The following MYO1B variants were observed in gnomAD, a reference collection of about 807,000 sequenced individuals.
MYO1B encodes unconventional myosin-Ib.
Under a neutral mutation model 159.7 loss-of-function variants are expected in MYO1B, and 72 were observed. That is an observed-to-expected ratio of 0.45 (90% CI 0.37 to 0.55). The LOEUF is 0.55. Among genes scored for constraint, MYO1B ranks in the 20% least tolerant of loss-of-function variants. The probability of loss-of-function intolerance (pLI) is 0.00; values close to 1 mark genes in which losing one functional copy is unlikely to be tolerated. For missense variants in MYO1B, 1,062 were observed against 1,364.8 expected, an observed-to-expected ratio of 0.78 and a Z score of 3.50; for synonymous variants, 468 against 473.8, an observed-to-expected ratio of 0.99 and a Z score of 0.16.
At chr2:191,372,573 G>A (rs1694426304) in intron 13 of MYO1B, among the ~76,000 whole-genome samples, 1 of 152,204 alleles carries the variant, frequency 6.6e-6, no homozygotes, top group Non-Finnish European at 1.5e-5. Flanking sequence ...GGCTGCCAGA[G>A]GATGTATCCT....
chr2:191,398,731 C>T (rs1430093626), intron 21 of MYO1B, among the ~76,000 whole-genome samples: 3 of 151,968 alleles, frequency 2.0e-5, no homozygotes, highest in Non-Finnish European at 1.5e-5. Context: ...AGGCGCTCCT[C>T]GCTTCCTAGA....
At chr2:191,348,593 T>G (rs1046985942) in intron 6 of MYO1B, among the ~76,000 whole-genome samples, 26 of 152,184 alleles carry the variant, frequency 1.7e-4, no homozygotes, top group Non-Finnish European at 3.2e-4. Flanking sequence ...CTGGACTTTT[T>G]TTTTTCCTCT....
chr2:191,393,357 GTTC>G, intron 20 of MYO1B, 135 bp downstream of exon 20: 2 of 1,082,338 alleles, frequency 1.8e-6, no homozygotes, highest in Non-Finnish European at 2.6e-6. Flanking sequence ...GTTCTTAATG[GTTC>G]TTTTTTTTAA....
Position 191,370,216 on chromosome 2 carries a change from A to G in MYO1B, c.1120-11A>G. Reference sequence around the variant, plus strand: ...GCCTTAATTAACCCTTTAATTTGAAACTTTTTAAAGGCACAAACAAAAGTG... The same window carrying G: ...GCCTTAATTAACCCTTTAATTTGAAGCTTTTTAAAGGCACAAACAAAAGTG... On this transcript the variant is annotated splice_polypyrimidine_tract_variant and intron_variant, in intron 12 of 30. Transcript: ENST00000392318. The G allele has an allele frequency of 1.9e-6, 3 of 1,608,986 alleles. No individual in the cohort carries two copies. Among genetic ancestry groups the G allele is most frequent in the Non-Finnish European group, 2.6e-6 (3 of 1,176,292 alleles).
intron 30 of MYO1B, among the ~76,000 whole-genome samples, chr2:191,422,976 C>T (rs191169345): frequency 1.8e-3 from 272 of 152,262 alleles, no homozygotes; most frequent in African/African-American, 6.1e-3. Flanking sequence ...ATGAGGACTA[C>T]TGGAGGTAAA....
At chr2:191,332,971 A>G (rs1370231412) in intron 4 of MYO1B, among the ~76,000 whole-genome samples, 1 of 152,206 alleles carries the variant, frequency 6.6e-6, no homozygotes, top group Non-Finnish European at 1.5e-5. Context: ...GTCAGTACAT[A>G]TTTAAATAAT....
At chr2:191,271,443 G>A (rs750142254) in intron 1 of MYO1B, among the ~76,000 whole-genome samples, 10 of 152,094 alleles carry the variant, frequency 6.6e-5, no homozygotes, top group Non-Finnish European at 1.3e-4. Context: ...GAACTTCAAG[G>A]CAGAAGGATC....
At chr2:191,375,270 T>G (rs1694624031) in intron 13 of MYO1B, among the ~76,000 whole-genome samples, 1 of 152,248 alleles carries the variant, frequency 6.6e-6, no homozygotes, top group African/African-American at 2.4e-5. Context: ...GTCATTGTAG[T>G]CTGGTAGGTA....
chr2:191,399,202 C>G (rs1166151079), intron 21 of MYO1B, among the ~76,000 whole-genome samples: 1 of 152,022 alleles, frequency 6.6e-6, no homozygotes, highest in Non-Finnish European at 1.5e-5. Context: ...TTGCAGTGAG[C>G]TGAGATGGCA....
At chr2:191,268,032 G>C (rs747120026) in intron 1 of MYO1B, among the ~76,000 whole-genome samples, 25 of 152,204 alleles carry the variant, frequency 1.6e-4, no homozygotes, top group African/African-American at 5.3e-4. Context: ...CATGGGGCTT[G>C]TGCACATTGA....
intron 3 of MYO1B, among the ~76,000 whole-genome samples, chr2:191,320,182 C>T (rs1030409189): frequency 2.0e-5 from 3 of 152,180 alleles, no homozygotes; most frequent in Non-Finnish European, 4.4e-5. Context: ...ACAGGCAACA[C>T]GGACCAGATG....
intron 4 of MYO1B, among the ~76,000 whole-genome samples, chr2:191,332,408 A>G (rs1691549205): frequency 6.6e-6 from 1 of 151,390 alleles, no homozygotes; most frequent in Non-Finnish European, 1.5e-5. Context: ...TCAATCAACT[A>G]TTGATGAACA....
intron 13 of MYO1B, among the ~76,000 whole-genome samples, chr2:191,376,132 C>T (rs573002733): frequency 1.5e-4 from 23 of 151,974 alleles, no homozygotes; most frequent in Non-Finnish European, 2.8e-4. Flanking sequence ...AAGAAGAGCA[C>T]GATAACATTG....
chr2:191,325,068 CT>C (rs1296353830), intron 3 of MYO1B, among the ~76,000 whole-genome samples: 1 of 152,114 alleles, frequency 6.6e-6, no homozygotes, highest in Non-Finnish European at 1.5e-5. Flanking sequence ...CTTCCATGTC[CT>C]TGTGGACCAC....
At position 191,267,461 on chromosome 2, in the gene MYO1B, C is replaced by T. The variant is rs56189934; in HGVS notation, c.-9-9426C>T. On this transcript the variant is annotated intron_variant, in intron 1 of 30. Coordinates refer to ENST00000392318, the MANE Select transcript of MYO1B (RefSeq NM_001130158.3). Reference sequence around the variant, plus strand: ...TTAGAGAAAATGAGGTGAGGGGTTTCTCAATATATAGTTGGCTTTCACAGT... The same window carrying T: ...TTAGAGAAAATGAGGTGAGGGGTTTTTCAATATATAGTTGGCTTTCACAGT... Among the ~76,000 whole-genome samples the T allele has an allele frequency of 5.0e-3, 757 of 152,270 alleles. 9 individuals are homozygous for T. Among genetic ancestry groups the T allele is most frequent in the African/African-American group, 0.017 (715 of 41,564 alleles).
rs1379620458 is a variant in MYO1B at position 191,414,121 on chromosome 2, A to G, written c.2947A>G (p.Ile983Val). The G allele has an allele frequency of 2.5e-6, 4 of 1,613,522 alleles. No individual in the cohort carries two copies. Among genetic ancestry groups the G allele is most frequent in the African/African-American group, 1.3e-5 (1 of 75,042 alleles). The stretch of plus-strand genomic sequence containing the variant: ...CAAGTATAAGAAACTCAAAGATGCC[A>G]TTGAAGAAAAGATCATCATTGCTGA... ...NPKYKKLKDAIEEKIIIAEVV... is the reference protein window; with the variant it reads ...NPKYKKLKDAVEEKIIIAEVV... Residue 983 changes from isoleucine to valine, a missense_variant, in exon 28 of 31, where the codon ATT (isoleucine) becomes GTT (valine). By Grantham distance (29) the Ile-to-Val change is conservative (BLOSUM62 3). Around this residue, in one of 5 missense-constraint regions of MYO1B, gnomAD observed 609 missense variants for 744.4 expected, o/e 0.82. Coordinates refer to ENST00000392318, the MANE Select transcript of MYO1B (RefSeq NM_001130158.3).
chr2:191,385,080 T>C (rs1432170957), intron 15 of MYO1B, among the ~76,000 whole-genome samples: 1 of 152,076 alleles, frequency 6.6e-6, no homozygotes, highest in African/African-American at 2.4e-5. Context: ...GTGGAGTGGA[T>C]TGTTTTTGGA....
intron 1 of MYO1B, among the ~76,000 whole-genome samples, chr2:191,270,683 G>A (rs1048806967): frequency 1.3e-5 from 2 of 152,140 alleles, no homozygotes; most frequent in African/African-American, 4.8e-5. Context: ...TACAGACTTG[G>A]CTCCTCTTTT....
chr2:191,417,367 G>GA (rs1394204821), intron 30 of MYO1B, among the ~76,000 whole-genome samples: 2 of 152,080 alleles, frequency 1.3e-5, no homozygotes, highest in African/African-American at 4.8e-5. Flanking sequence ...AAGAAATTAG[G>GA]AAAAAAATAA....
Sources: gnomAD v4.1 joint callset for allele counts (sites outside exome capture counted in the v4.1 genomes callset) on GRCh38, gnomAD v4.1.1 for gene constraint, gnomAD v4.1.1 regional missense constraint, MANE v1.5 for transcripts, NCBI Gene and HGNC (gene_info 2026-07-23, HGNC 2026-07-21) for gene names.